DDR2: variants seen among roughly 807,000 people sequenced by gnomAD.
DDR2 encodes the protein discoidin domain-containing receptor 2.
DDR2 carries 27 observed loss-of-function variants against 94.9 expected under a neutral mutation model. The ratio of observed to expected loss-of-function variants is 0.28; its 90% CI spans 0.21 to 0.39. DDR2 has a LOEUF of 0.39. Ranked by LOEUF, DDR2 falls within the 10% of genes least tolerant of loss-of-function variation. The pLI is 1.00. For missense variants in DDR2, 783 were observed against 1,076.0 expected (o/e 0.73, Z 3.81); for synonymous variants, 382 against 377.2 (o/e 1.01, Z -0.15).
chr1:162,637,763 A>G (rs1028050001), intron 1 of DDR2, among the ~76,000 whole-genome samples: 1 of 152,210 alleles, frequency 6.6e-6, no homozygotes, highest in Non-Finnish European at 1.5e-5. Flanking sequence ...ATCTGGACAT[A>G]GTAGACATTT....
chr1:162,729,280 T>TTATATATATATATATATATA (rs1194740607), intron 3 of DDR2, among the ~76,000 whole-genome samples: 7 of 69,758 alleles, frequency 1.0e-4, no homozygotes, highest in African/African-American at 3.7e-4. Context: ...GCATATCCAT[T>TTATATATATATATATATATA]TATATATATA....
At chr1:162,770,227 G>T (rs1571316463) in intron 11 of DDR2, 75 bp from the exon 12 acceptor site, 1 of 1,397,900 alleles carries the variant, frequency 7.2e-7, no homozygotes, top group East Asian at 2.3e-5. Context: ...GAGTGGGAGA[G>T]CTGAGTTTAA....
intron 1 of DDR2, among the ~76,000 whole-genome samples, chr1:162,644,490 A>G (rs1403404774): frequency 6.6e-6 from 1 of 152,270 alleles, no homozygotes; most frequent in Non-Finnish European, 1.5e-5. Flanking sequence ...TTAGGAAAAC[A>G]TATCCACCAG....
chr1:162,689,487 C>G (rs887050620), intron 2 of DDR2, among the ~76,000 whole-genome samples: 12 of 152,072 alleles, frequency 7.9e-5, no homozygotes, highest in Non-Finnish European at 1.2e-4. Flanking sequence ...ACCAAGCTAT[C>G]TCACCGGTCC....
intron 2 of DDR2, among the ~76,000 whole-genome samples, chr1:162,710,644 A>G (rs1382921558): frequency 1.3e-5 from 2 of 152,132 alleles, no homozygotes; most frequent in African/African-American, 4.8e-5. Context: ...GAAAAACAAG[A>G]TTTAAATGCC....
chr1:162,775,724 G>C lies in DDR2; in HGVS notation c.1929G>C (p.Val643=), dbSNP rs182495290. ...CAAACATCATCCATCTATTAGCTGT[G>C]TGTATCACTGATGACCCTCTCTGTA... ...KDPNIIHLLA[V]CITDDPLCMI... Residue 643 remains valine (V), a synonymous_variant, in exon 15 of 18, where the codon GTG becomes GTC. Coordinates refer to ENST00000367921, the MANE Select transcript of DDR2 (RefSeq NM_006182.4). 6.2e-7 allele frequency: 1 copy of C among 1,614,012 alleles called. No homozygotes were observed. The highest frequency in any genetic ancestry group is 1.1e-5 in the South Asian group (1 of 91,086).
intron 1 of DDR2, among the ~76,000 whole-genome samples, chr1:162,644,074 G>A (rs919778417): frequency 1.3e-5 from 2 of 152,080 alleles, no homozygotes; most frequent in Non-Finnish European, 2.9e-5. Flanking sequence ...GACTCTAGTA[G>A]GGACACCTCC....
intron 2 of DDR2, among the ~76,000 whole-genome samples, chr1:162,665,910 C>G (rs560409476): frequency 3.3e-5 from 5 of 152,166 alleles, no homozygotes; most frequent in Non-Finnish European, 7.4e-5. Flanking sequence ...CCATTTTTAA[C>G]CAGTATAAAT....
intron 2 of DDR2, among the ~76,000 whole-genome samples, chr1:162,656,230 A>G (rs745385842): frequency 1.2e-4 from 18 of 152,204 alleles, no homozygotes; most frequent in Non-Finnish European, 1.9e-4. Context: ...GGTCTGACAC[A>G]TGGAGGATGC....
intron 3 of DDR2, among the ~76,000 whole-genome samples, chr1:162,731,288 C>A (rs1465310685): frequency 6.6e-6 from 1 of 152,220 alleles, no homozygotes; most frequent in East Asian, 1.9e-4. Context: ...TGAAACCCAT[C>A]ATCAGCCAGT....
intron 2 of DDR2, among the ~76,000 whole-genome samples, chr1:162,718,575 C>A (rs1661274954): frequency 6.6e-6 from 1 of 151,852 alleles, no homozygotes; most frequent in Admixed American, 6.6e-5. Flanking sequence ...ATACAGAATC[C>A]CAGGTATCAC....
chr1:162,674,876 G>A (rs555800823), intron 2 of DDR2, among the ~76,000 whole-genome samples: 1 of 152,268 alleles, frequency 6.6e-6, no homozygotes, highest in East Asian at 1.9e-4. Flanking sequence ...AACATTGGGT[G>A]GGCATGGTGG....
chr1:162,753,742 G>A (rs1008731523), intron 4 of DDR2, among the ~76,000 whole-genome samples: 1 of 152,120 alleles, frequency 6.6e-6, no homozygotes, highest in East Asian at 1.9e-4. Context: ...TTCCTGGGGC[G>A]ATTGATTTCA....
intron 4 of DDR2, 74 bp from the exon 5 acceptor site, chr1:162,754,550 G>T: frequency 6.8e-7 from 1 of 1,475,484 alleles, no homozygotes; most frequent in South Asian, 1.1e-5. Flanking sequence ...CAGGGCAGCT[G>T]CTTGCCTGTG....
At chr1:162,673,602 TGTGTGTGAGA>T (rs1474062954) in intron 2 of DDR2, among the ~76,000 whole-genome samples, 8 of 115,944 alleles carry the variant, frequency 6.9e-5, no homozygotes, top group Middle Eastern at 3.6e-3. Context: ...TGTATGTGTG[TGTGTGTGAGA>T]GAGAGAGAGA....
rs894783619 is a variant in DDR2, at chr1:162,727,045, ATAT to A, written c.82+7904_82+7906del. On this transcript the variant is annotated intron_variant, in intron 3 of 17. Coordinates refer to ENST00000367921, the MANE Select transcript of DDR2 (RefSeq NM_006182.4). ...ATAATATATATGATAAAAATTATAAATATTATAATAAATATATTATAAATATTA... is the reference window on the plus strand; with the variant it reads ...ATAATATATATGATAAAAATTATAAATATAATAAATATATTATAAATATTA... Among the ~76,000 whole-genome samples the A allele has an allele frequency of 4.8e-5, 7 of 145,832 alleles. No individual in the cohort carries two copies. In the East Asian group the frequency reaches 1.4e-3, roughly 29 times the overall value.
intron 2 of DDR2, among the ~76,000 whole-genome samples, chr1:162,662,656 ATG>A (rs1196991804): frequency 6.6e-6 from 1 of 152,110 alleles, no homozygotes; most frequent in East Asian, 1.9e-4. Flanking sequence ...TCCCTAAAGC[ATG>A]TGTTTCTCAT....
intron 1 of DDR2, among the ~76,000 whole-genome samples, chr1:162,637,679 T>C (rs1656896115): frequency 6.6e-6 from 1 of 152,214 alleles, no homozygotes; most frequent in Non-Finnish European, 1.5e-5. Flanking sequence ...AGTTTGAGGT[T>C]TCTCATTTAT....
intron 3 of DDR2, among the ~76,000 whole-genome samples, chr1:162,751,995 G>A (rs887138795): frequency 5.9e-5 from 9 of 152,096 alleles, no homozygotes; most frequent in African/African-American, 2.4e-5. Flanking sequence ...GGGGCCTGTC[G>A]TGGGGTGAGG....
Sources: allele counts gnomAD v4.1 joint callset (sites outside exome capture counted in the v4.1 genomes callset), GRCh38; gene constraint gnomAD v4.1.1; transcripts MANE v1.5; gene names NCBI Gene and HGNC (gene_info 2026-07-23, HGNC 2026-07-21).